SMC2: variants seen among roughly 807,000 people sequenced by gnomAD.
The protein encoded by SMC2 is structural maintenance of chromosomes protein 2.
Under a neutral mutation model 142.6 loss-of-function variants are expected in SMC2, and 41 were observed. The ratio of observed to expected loss-of-function variants is 0.29; its 90% CI spans 0.22 to 0.37. The LOEUF is 0.37. Ranked by LOEUF, SMC2 falls within the 10% of genes least tolerant of loss-of-function variation. The pLI is 1.00. For synonymous variants in SMC2, 463 were observed against 457.5 expected (o/e 1.01, Z -0.15); for missense variants, 1,265 against 1,373.7 (o/e 0.92, Z 1.25).
intron 7 of SMC2, among the ~76,000 whole-genome samples, chr9:104,101,238 C>T (rs561166550): frequency 1.1e-4 from 16 of 152,216 alleles, no homozygotes; most frequent in African/African-American, 3.6e-4. Context: ...CCCAGCCAAA[C>T]GACGTTTTTA....
intron 17 of SMC2, among the ~76,000 whole-genome samples, 176 bp from the exon 18 acceptor site, chr9:104,124,736 G>A (rs915977751): frequency 2.0e-5 from 3 of 151,908 alleles, no homozygotes; most frequent in African/African-American, 7.3e-5. Flanking sequence ...GATAATTCAA[G>A]TATGGCTTTT....
chr9:104,134,766 A>C (rs1835356069), intron 23 of SMC2, among the ~76,000 whole-genome samples, 191 bp downstream of exon 23: 1 of 152,152 alleles, frequency 6.6e-6, no homozygotes. Flanking sequence ...GCAAATAGAA[A>C]ATTAGACAAA....
At chr9:104,099,343 A>G (rs1259073568) in intron 4 of SMC2, among the ~76,000 whole-genome samples, 2 of 151,922 alleles carry the variant, frequency 1.3e-5, no homozygotes, top group African/African-American at 2.4e-5. Flanking sequence ...ACCTGTTTTA[A>G]ATTTGAATAT....
chr9:104,127,966 A>G (rs1357873274), intron 20 of SMC2, among the ~76,000 whole-genome samples: 1 of 152,212 alleles, frequency 6.6e-6, no homozygotes, highest in Non-Finnish European at 1.5e-5. Context: ...TTTGCCAAGC[A>G]GCTATGTTTT....
chr9:104,102,143 A>G lies in SMC2; in HGVS notation c.820A>G (p.Ile274Val). 1.3e-6 allele frequency: 2 copies of G among 1,587,444 alleles called. No homozygotes were observed. The highest frequency in any genetic ancestry group is 1.7e-6 in the Non-Finnish European group (2 of 1,158,380). Reference sequence around the variant, plus strand: ...AGAATTGTCTGAGAATGATAAAAAAATAAAAGCACTTAATCATGAAATAGA... The same window carrying G: ...AGAATTGTCTGAGAATGATAAAAAAGTAAAAGCACTTAATCATGAAATAGA... ...QEELSENDKK[I>V]KALNHEIEEL... The change falls in exon 8 of 25, where the codon ATA (isoleucine) becomes GTA (valine). Residue 274 changes from isoleucine (I) to valine (V), a missense_variant. This residue lies in a region of SMC2 where 898 missense variants were observed against 904.2 expected (regional missense o/e 0.99). Transcript: ENST00000374793.
At position 104,100,449 on chromosome 9, in the gene SMC2, G is replaced by T. The variant is rs549805337; in HGVS notation, c.636+16G>T. Reference sequence around the variant, plus strand: ...ATTAAAAGAGGTATATTCTGTATATGTGAGGATAATCTATTAGAATGTCTT... The same window carrying T: ...ATTAAAAGAGGTATATTCTGTATATTTGAGGATAATCTATTAGAATGTCTT... On this transcript the variant is annotated intron_variant, in intron 7 of 24. Coordinates refer to ENST00000374793, the MANE Select transcript of SMC2 (RefSeq NM_006444.3). 4.2e-6 allele frequency: 6 copies of T among 1,421,496 alleles called. No homozygotes were observed. The South Asian group carries it at 4.8e-5, about 11-fold the overall frequency. 88.1% of individuals were successfully genotyped at this position (1,421,496 alleles called of 1,614,324 possible).
At chr9:104,138,758 G>A (rs6479222) in intron 24 of SMC2, among the ~76,000 whole-genome samples, 10,846 of 152,180 alleles carry the variant, frequency 0.071, 535 homozygotes, top group Middle Eastern at 0.12. Context: ...ATGGGGCGGC[G>A]GGGCAGTGCC....
chr9:104,090,845 A>G (rs1048079356), upstream of SMC2, among the ~76,000 whole-genome samples: 2 of 152,174 alleles, frequency 1.3e-5, no homozygotes, highest in African/African-American at 4.8e-5. Context: ...CAGAACTAAC[A>G]GAAAAGAAGA....
intron 22 of SMC2, among the ~76,000 whole-genome samples, chr9:104,132,446 A>C (rs1835085949): frequency 6.6e-6 from 1 of 152,098 alleles, no homozygotes; most frequent in African/African-American, 2.4e-5. Context: ...AGGCTTCTTT[A>C]CTGTTACTTC....
At chr9:104,129,923 A>G (rs1834755877) in intron 21 of SMC2, 78 bp downstream of exon 21, 3 of 1,033,728 alleles carry the variant, frequency 2.9e-6, no homozygotes, top group African/African-American at 1.6e-5. Context: ...CTCTGATGCA[A>G]TTATTAGAGT....
Position 104,107,209 on chromosome 9 carries a change from T to G in SMC2, c.1021-4372T>G, listed in dbSNP as rs557192095. On this transcript the variant is annotated intron_variant, in intron 9 of 24. Transcript: ENST00000374793. Reference sequence around the variant, plus strand: ...GGGTTTGTAAGCACCCAAGTAAGAGTGGGCAGTTTAAGTCACAGCGTCGCA... The same window carrying G: ...GGGTTTGTAAGCACCCAAGTAAGAGGGGGCAGTTTAAGTCACAGCGTCGCA... Among the ~76,000 whole-genome samples, 35 of 152,034 alleles carry G rather than the reference T, an allele frequency of 2.3e-4. 1 individual carries two copies. Among genetic ancestry groups the G allele is most frequent in the Admixed American group, 3.9e-4 (6 of 15,252 alleles).
At chr9:104,113,507 T>C in intron 11 of SMC2, 32 bp downstream of exon 11, 1 of 1,517,224 alleles carries the variant, frequency 6.6e-7, no homozygotes, top group Non-Finnish European at 8.8e-7. Flanking sequence ...AATCAGATCA[T>C]GAGGAGGTAG....
At chr9:104,100,319 C>G (rs1397761424) in intron 6 of SMC2, 70 bp from the exon 7 acceptor site, 1 of 1,425,754 alleles carries the variant, frequency 7.0e-7, no homozygotes, top group Admixed American at 1.8e-5. Context: ...GTCATCCCTG[C>G]TACTTCTCTT....
At chr9:104,127,629 CTTTTCAACAATGCTAA>C (rs1834458074) in intron 20 of SMC2, 149 bp downstream of exon 20, 2 of 469,412 alleles carry the variant, frequency 4.3e-6, no homozygotes, top group Non-Finnish European at 7.5e-6. Context: ...GCTTTAACTG[CTTTTCAACAATGCTAA>C]TTTTCAACAA....
chr9:104,118,289 A>G lies in SMC2; in HGVS notation c.1910A>G (p.Lys637Arg). The change falls in exon 15 of 25, where the codon AAA becomes AGA. Residue 637 changes from lysine (K) to arginine (R), a missense_variant. Coordinates refer to ENST00000374793, the MANE Select transcript of SMC2 (RefSeq NM_006444.3). Reference sequence around the variant, plus strand: ...GTTTGTGACAATATGGATAATGCCAAAAAAGTGGCCTTTGATAAGAGGATA... The same window carrying G: ...GTTTGTGACAATATGGATAATGCCAGAAAAGTGGCCTTTGATAAGAGGATA... ...TFVCDNMDNA[K>R]KVAFDKRIMT... 1.2e-6 allele frequency: 2 copies of G among 1,613,790 alleles called. No individual in the cohort carries two copies. The highest frequency in any genetic ancestry group is 1.1e-5 in the South Asian group (1 of 91,060).
upstream of SMC2, among the ~76,000 whole-genome samples, chr9:104,091,143 T>C (rs1564054603): frequency 6.6e-6 from 1 of 152,226 alleles, no homozygotes; most frequent in East Asian, 1.9e-4. Context: ...AGAAATAAAA[T>C]ACAGTCATGC....
upstream of SMC2, chr9:104,092,958 G>GT (rs1830052386): frequency 6.6e-6 from 1 of 152,116 alleles, no homozygotes; most frequent in Admixed American, 6.5e-5. Flanking sequence ...TATAAAATAG[G>GT]CCCAAGCGAG....
At chr9:104,137,448 A>ATTGT (rs1835671176) in intron 23 of SMC2, among the ~76,000 whole-genome samples, 1 of 152,138 alleles carries the variant, frequency 6.6e-6, no homozygotes, top group Non-Finnish European at 1.5e-5. Context: ...TTTACATAAG[A>ATTGT]TTGTTTGAAC....
chr9:104,089,715 G>A (rs1389424354), upstream of SMC2, among the ~76,000 whole-genome samples: 2 of 152,020 alleles, frequency 1.3e-5, no homozygotes, highest in Non-Finnish European at 2.9e-5. Context: ...CGCGATCTAG[G>A]CTCACAACAA....
Sources: allele counts gnomAD v4.1 joint callset (sites outside exome capture counted in the v4.1 genomes callset), GRCh38; gene constraint gnomAD v4.1.1; regional missense constraint gnomAD v4.1.1; transcripts MANE v1.5; gene names NCBI Gene and HGNC (gene_info 2026-07-23, HGNC 2026-07-21).